RNF11: variants seen among roughly 807,000 people sequenced by gnomAD.
RNF11 encodes the protein ring finger protein 11.
A neutral mutation model predicts 15.8 loss-of-function variants in RNF11; 4 were observed. The ratio of observed to expected loss-of-function variants is 0.25; its 90% CI spans 0.12 to 0.58. The LOEUF (loss-of-function observed/expected upper bound fraction) is 0.58. Ranked by LOEUF, RNF11 falls within the 20% of genes least tolerant of loss-of-function variation. The pLI is 0.91. For synonymous variants in RNF11, 68 were observed against 72.3 expected, an observed-to-expected ratio of 0.94 and a Z score of 0.30; for missense variants, 139 against 194.4, an observed-to-expected ratio of 0.71 and a Z score of 1.70.
intron 1 of RNF11, among the ~76,000 whole-genome samples, chr1:51,268,601 T>G (rs568628746): frequency 3.3e-5 from 5 of 152,196 alleles, no homozygotes; most frequent in Admixed American, 2.0e-4. Flanking sequence ...TAAAACAATT[T>G]AGTTATTTTT....
chr1:51,242,639 TG>T (rs993025576), intron 1 of RNF11, among the ~76,000 whole-genome samples: 1 of 152,134 alleles, frequency 6.6e-6, no homozygotes, highest in Non-Finnish European at 1.5e-5. Flanking sequence ...GGGATGGGCT[TG>T]TTTTTTTTAG....
chr1:51,268,505 GCTTT>G lies in RNF11; in HGVS notation c.124-1448_124-1445del, dbSNP rs1293792913. On this transcript the variant is annotated intron_variant, in intron 1 of 2. Transcript: ENST00000242719. ...AAGTAGAACTTTCCTTTTCTGTTCT[GCTTT>G]CTGTGTTCTCTACACGTATGTGAAC... Among the ~76,000 whole-genome samples the G allele has an allele frequency of 5.9e-5, 9 of 152,186 alleles. No individual in the cohort carries two copies. The East Asian group carries it at 9.6e-4, about 16-fold the overall frequency.
intron 1 of RNF11, among the ~76,000 whole-genome samples, chr1:51,248,422 G>C (rs991214661): frequency 1.3e-5 from 2 of 151,890 alleles, no homozygotes; most frequent in African/African-American, 2.4e-5. Flanking sequence ...GGCTGGTGTC[G>C]AACTCCCGAC....
chr1:51,256,426 C>T (rs1175300411), intron 1 of RNF11, among the ~76,000 whole-genome samples: 2 of 152,116 alleles, frequency 1.3e-5, no homozygotes, highest in Admixed American at 1.3e-4. Context: ...GAATAACATT[C>T]CATTTGCATT....
At chr1:51,247,793 AT>A (rs1646859146) in intron 1 of RNF11, among the ~76,000 whole-genome samples, 1 of 152,188 alleles carries the variant, frequency 6.6e-6, no homozygotes, top group Non-Finnish European at 1.5e-5. Context: ...ATGAGTAATT[AT>A]CTTGTTACTT....
chr1:51,248,037 C>T (rs1238467299), intron 1 of RNF11, among the ~76,000 whole-genome samples: 1 of 150,622 alleles, frequency 6.6e-6, no homozygotes, highest in Non-Finnish European at 1.5e-5. Flanking sequence ...AGCAGTTTAC[C>T]ATAATTGAGT....
At chr1:51,242,314 C>T (rs980799027) in intron 1 of RNF11, among the ~76,000 whole-genome samples, 1 of 144,916 alleles carries the variant, frequency 6.9e-6, no homozygotes, top group African/African-American at 2.5e-5. Context: ...ATAAAGCTTT[C>T]TTCAAGATAC....
chr1:51,260,663 T>C (rs1031481806), intron 1 of RNF11, among the ~76,000 whole-genome samples: 1 of 152,202 alleles, frequency 6.6e-6, no homozygotes, highest in Non-Finnish European at 1.5e-5. Context: ...TTTGGATTCT[T>C]GCACCTACTT....
chr1:51,237,049 A>G (rs1646806996), intron 1 of RNF11, among the ~76,000 whole-genome samples, 170 bp downstream of exon 1: 1 of 151,916 alleles, frequency 6.6e-6, no homozygotes, highest in Admixed American at 6.6e-5. Context: ...AGTAAGGTTG[A>G]TTCTTCGCCT....
intron 1 of RNF11, chr1:51,265,851 T>A (rs946474020): frequency 1.0e-5 from 1 of 97,002 alleles, no homozygotes; most frequent in Non-Finnish European, 2.0e-5. Flanking sequence ...TTCCTTACAA[T>A]ACTTTTTTTT....
At chr1:51,242,432 C>G (rs552218062) in intron 1 of RNF11, among the ~76,000 whole-genome samples, 1 of 150,184 alleles carries the variant, frequency 6.7e-6, no homozygotes, top group South Asian at 2.1e-4. Context: ...TCGAGACCAG[C>G]CTGGGCAACA....
At chr1:51,245,801 C>T (rs986070799) in intron 1 of RNF11, among the ~76,000 whole-genome samples, 1 of 152,168 alleles carries the variant, frequency 6.6e-6, no homozygotes, top group Non-Finnish European at 1.5e-5. Context: ...AAATACATCC[C>T]TAACTCTGTA....
At chr1:51,250,155 A>G (rs186533585) in intron 1 of RNF11, among the ~76,000 whole-genome samples, 1 of 152,230 alleles carries the variant, frequency 6.6e-6, no homozygotes, top group African/African-American at 2.4e-5. Flanking sequence ...AACTTTTTTT[A>G]GCTTTGAAGT....
chr1:51,256,822 T>C (rs111349508), intron 1 of RNF11, among the ~76,000 whole-genome samples: 3,205 of 152,228 alleles, frequency 0.021, 96 homozygotes, highest in African/African-American at 0.065. Flanking sequence ...TACAGGCACG[T>C]GCCACCATGC....
At chr1:51,270,241 C>G (rs1308354417) in intron 2 of RNF11, 116 bp downstream of exon 2, 1 of 707,964 alleles carries the variant, frequency 1.4e-6, no homozygotes, top group African/African-American at 1.8e-5. Context: ...AAACACTTCG[C>G]TTAATGCAAG....
At chr1:51,248,113 T>C (rs915542680) in intron 1 of RNF11, among the ~76,000 whole-genome samples, 31 of 150,148 alleles carry the variant, frequency 2.1e-4, no homozygotes, top group African/African-American at 7.6e-4. Context: ...TTTTTTTTTT[T>C]TTTTTGAGAT....
chr1:51,245,400 A>G (rs991827264), intron 1 of RNF11, among the ~76,000 whole-genome samples: 1 of 151,684 alleles, frequency 6.6e-6, no homozygotes, highest in Non-Finnish European at 1.5e-5. Context: ...CAGTCCACCC[A>G]CCTCGGCCTC....
chr1:51,247,074 T>C (rs74357967), intron 1 of RNF11, among the ~76,000 whole-genome samples: 3,195 of 152,278 alleles, frequency 0.021, 98 homozygotes, highest in African/African-American at 0.071. Flanking sequence ...TTTATGGTAT[T>C]TTTAACATGC....
At chr1:51,239,193 C>G (rs759341236) in intron 1 of RNF11, among the ~76,000 whole-genome samples, 1 of 152,140 alleles carries the variant, frequency 6.6e-6, no homozygotes, top group Non-Finnish European at 1.5e-5. Flanking sequence ...ATATCTTTGA[C>G]TTGTTCTCTT....
Sources: allele counts gnomAD v4.1 joint callset (sites outside exome capture counted in the v4.1 genomes callset), GRCh38; gene constraint gnomAD v4.1.1; transcripts MANE v1.5; gene names NCBI Gene and HGNC (gene_info 2026-07-23, HGNC 2026-07-21).